SRGAP1: variants seen among roughly 807,000 people sequenced by gnomAD.
The protein encoded by SRGAP1 is SLIT-ROBO Rho GTPase-activating protein 1.
In SRGAP1, 43 loss-of-function variants were observed where a neutral mutation model predicts 121.9. That is an observed-to-expected ratio of 0.35 (90% CI 0.28 to 0.46). SRGAP1 has a LOEUF of 0.46. Among genes scored for constraint, SRGAP1 ranks in the 20% least tolerant of loss-of-function variants. The pLI is 1.00. For missense variants in SRGAP1, 1,102 were observed against 1,350.9 expected, an observed-to-expected ratio of 0.82 and a Z score of 2.89; for synonymous variants, 447 against 485.4, an observed-to-expected ratio of 0.92 and a Z score of 1.04.
At chr12:63,989,186 T>C (rs1192668251) in intron 2 of SRGAP1, among the ~76,000 whole-genome samples, 1 of 152,224 alleles carries the variant, frequency 6.6e-6, no homozygotes, top group African/African-American at 2.4e-5. Flanking sequence ...AGTTATTCTT[T>C]AAGATTTTTA....
rs374966523 is a variant in SRGAP1 at position 63,993,714 on chromosome 12, G to A, written c.426+3642G>A. 1.4e-4 allele frequency among the ~76,000 whole-genome samples: 21 copies of A among 149,886 alleles called. No individual in the cohort carries two copies. The East Asian group carries it at 3.7e-3, about 26-fold the overall frequency. On this transcript the variant is annotated intron_variant, in intron 3 of 21. Coordinates refer to ENST00000355086, the MANE Select transcript of SRGAP1 (RefSeq NM_020762.4). ...CAGGTAATTTCAGGAATTTTTTTCT[G>A]TCTAAATGGATATAATAATCAAGAA...
intron 1 of SRGAP1, among the ~76,000 whole-genome samples, chr12:63,981,203 C>A (rs1190679172): frequency 6.6e-6 from 1 of 152,120 alleles, no homozygotes; most frequent in African/African-American, 2.4e-5. Context: ...TCATGATTCC[C>A]TAGTTCTTGA....
chr12:64,025,489 T>C (rs1311505071), intron 4 of SRGAP1, among the ~76,000 whole-genome samples: 2 of 152,172 alleles, frequency 1.3e-5, no homozygotes, highest in African/African-American at 4.8e-5. Flanking sequence ...ATTTGAAACA[T>C]ATATTTCTGT....
At chr12:63,926,652 GTTAA>G (rs1252488116) in intron 1 of SRGAP1, among the ~76,000 whole-genome samples, 2 of 152,162 alleles carry the variant, frequency 1.3e-5, no homozygotes, top group Non-Finnish European at 2.9e-5. Context: ...ATTAAATAAA[GTTAA>G]TTAACATATC....
At chr12:63,957,677 G>A (rs2032514003) in intron 1 of SRGAP1, among the ~76,000 whole-genome samples, 1 of 151,920 alleles carries the variant, frequency 6.6e-6, no homozygotes, top group Non-Finnish European at 1.5e-5. Flanking sequence ...CTGAGAGAGA[G>A]CATATGGGTG....
At chr12:64,032,567 A>T in intron 4 of SRGAP1, 1 of 934,872 alleles carries the variant, frequency 1.1e-6, no homozygotes, top group Non-Finnish European at 1.7e-6. Flanking sequence ...AGAGCCACGG[A>T]CCTAGCTCTG....
intron 1 of SRGAP1, among the ~76,000 whole-genome samples, chr12:63,870,479 C>T (rs1175065400): frequency 6.6e-6 from 1 of 151,516 alleles, no homozygotes; most frequent in Non-Finnish European, 1.5e-5. Flanking sequence ...CTCCTTGTTA[C>T]TTCCACCACA....
At chr12:64,075,048 G>A (rs557268974) in intron 8 of SRGAP1, among the ~76,000 whole-genome samples, 9 of 152,186 alleles carry the variant, frequency 5.9e-5, no homozygotes, top group Middle Eastern at 3.4e-3. Flanking sequence ...CTAACCCAGC[G>A]GCGCTAGAGA....
chr12:64,002,685 C>T (rs1191069837), intron 3 of SRGAP1, among the ~76,000 whole-genome samples: 1 of 152,146 alleles, frequency 6.6e-6, no homozygotes, highest in African/African-American at 2.4e-5. Context: ...AGAGAGGCCA[C>T]TTTGTGGTGC....
At chr12:63,896,246 T>C (rs1404881611) in intron 1 of SRGAP1, among the ~76,000 whole-genome samples, 1 of 152,222 alleles carries the variant, frequency 6.6e-6, no homozygotes, top group African/African-American at 2.4e-5. Flanking sequence ...AAATTATTCT[T>C]GTTAATAATA....
intron 11 of SRGAP1, among the ~76,000 whole-genome samples, chr12:64,089,059 C>T (rs183616567): frequency 5.2e-4 from 79 of 152,284 alleles, no homozygotes; most frequent in African/African-American, 1.7e-3. Context: ...CTGCCCCTCC[C>T]GGGATTAGCC....
chr12:64,097,659 C>T (rs1423135573), intron 15 of SRGAP1: 1 of 289,184 alleles, frequency 3.5e-6, no homozygotes, highest in Non-Finnish European at 6.3e-6. Context: ...TGCCAGCTGC[C>T]TAAGGGAAAG....
chr12:63,846,055 T>C (rs1032684711), intron 1 of SRGAP1, among the ~76,000 whole-genome samples: 2 of 152,104 alleles, frequency 1.3e-5, no homozygotes, highest in Non-Finnish European at 2.9e-5. Flanking sequence ...GACCAACTCA[T>C]TGTGGACACT....
intron 7 of SRGAP1, 107 bp downstream of exon 7, chr12:64,063,245 C>A: frequency 1.9e-6 from 2 of 1,050,006 alleles, no homozygotes; most frequent in Non-Finnish European, 2.8e-6. Flanking sequence ...TTTCTCTCTC[C>A]TGTCCTTGCA....
rs143672076 is a variant in SRGAP1 at position 63,856,451 on chromosome 12, G to A, written c.67+11568G>A. 4.6e-3 allele frequency among the ~76,000 whole-genome samples: 693 copies of A among 152,176 alleles called. 5 individuals carry two copies. Among genetic ancestry groups the A allele is most frequent in the African/African-American group, 0.016 (659 of 41,544 alleles). ...AATGTTGTAAAATTTTGCTTTCGGC[G>A]TATGTTTTTAATTCATCTGAAGTTT... On this transcript the variant is annotated intron_variant, in intron 1 of 21. Coordinates refer to ENST00000355086, the MANE Select transcript of SRGAP1 (RefSeq NM_020762.4).
intron 1 of SRGAP1, among the ~76,000 whole-genome samples, chr12:63,889,150 A>G (rs61937062): frequency 0.048 from 7,314 of 152,254 alleles, 274 homozygotes; most frequent in Middle Eastern, 0.14. Context: ...ATCTATCTGC[A>G]AGCTCCTCAC....
intron 11 of SRGAP1, among the ~76,000 whole-genome samples, chr12:64,088,332 T>A (rs2035984599): frequency 6.6e-6 from 1 of 152,242 alleles, no homozygotes; most frequent in African/African-American, 2.4e-5. Context: ...AGCATCTCCT[T>A]GCACTATCAA....
intron 15 of SRGAP1, among the ~76,000 whole-genome samples, chr12:64,098,674 A>T (rs2036206317): frequency 6.6e-6 from 1 of 150,472 alleles, no homozygotes; most frequent in African/African-American, 2.5e-5. Context: ...TGTCTCAAAA[A>T]AAAATAAAAA....
chr12:64,142,739 A>G lies in SRGAP1; in HGVS notation c.*67A>G. The G allele has an allele frequency of 6.5e-7, 1 of 1,537,648 alleles. No homozygotes were observed. Among genetic ancestry groups the G allele is most frequent in the Non-Finnish European group, 8.7e-7 (1 of 1,143,380 alleles). ...AGAAAATGGATTAGTGACAAAAGTC[A>G]CTGATCCATAACTTTCCTTAGTTTT... On this transcript the variant is annotated 3_prime_UTR_variant, in exon 22 of 22. Coordinates refer to ENST00000355086, the MANE Select transcript of SRGAP1 (RefSeq NM_020762.4).
Sources: gnomAD v4.1 joint callset for allele counts (sites outside exome capture counted in the v4.1 genomes callset) on GRCh38, gnomAD v4.1.1 for gene constraint, MANE v1.5 for transcripts, NCBI Gene and HGNC (gene_info 2026-07-23, HGNC 2026-07-21) for gene names.